EYA1: variants seen among roughly 807,000 people sequenced by gnomAD.
EYA1 encodes the protein EYA transcriptional coactivator and phosphatase 1, also known as protein phosphatase EYA1.
In EYA1, 16 loss-of-function variants were observed where a neutral mutation model predicts 82.0. The observed-to-expected ratio is 0.20, with a 90% CI of 0.13 to 0.30. The LOEUF (loss-of-function observed/expected upper bound fraction) is 0.30. EYA1 is among the 10% of genes least tolerant of loss of function. EYA1 has a pLI of 1.00. For synonymous variants in EYA1, 261 were observed against 264.4 expected, an observed-to-expected ratio of 0.99 and a Z score of 0.12; for missense variants, 633 against 730.7, an observed-to-expected ratio of 0.87 and a Z score of 1.54.
At chr8:71,418,878 T>C (rs1334395074) in intron 2 of EYA1, among the ~76,000 whole-genome samples, 1 of 152,122 alleles carries the variant, frequency 6.6e-6, no homozygotes, top group Non-Finnish European at 1.5e-5. Flanking sequence ...AGATGACATT[T>C]GGATGGGGAC....
intron 2 of EYA1, among the ~76,000 whole-genome samples, chr8:71,492,053 C>T (rs62508464): frequency 0.13 from 19,408 of 152,110 alleles, 1,511 homozygotes; most frequent in Non-Finnish European, 0.17. Context: ...ATGATCCTAC[C>T]GGACGTTGGC....
chr8:71,441,691 C>T (rs1806445585), intron 2 of EYA1, among the ~76,000 whole-genome samples: 1 of 152,050 alleles, frequency 6.6e-6, no homozygotes, highest in African/African-American at 2.4e-5. Context: ...GTTCATATCC[C>T]TGTTTTTAAA....
chr8:71,261,154 GT>G (rs940098018), intron 11 of EYA1, among the ~76,000 whole-genome samples: 2 of 151,888 alleles, frequency 1.3e-5, no homozygotes, highest in East Asian at 1.9e-4. Context: ...CTGAAACATT[GT>G]TTTTTTAAAA....
intron 2 of EYA1, among the ~76,000 whole-genome samples, chr8:71,515,697 T>C (rs1427788028): frequency 2.0e-5 from 3 of 152,106 alleles, no homozygotes; most frequent in Non-Finnish European, 2.9e-5. Flanking sequence ...GGAGCAACTG[T>C]TGTAAAGAAA....
chr8:71,427,550 C>T (rs1007067563), intron 2 of EYA1, among the ~76,000 whole-genome samples: 2 of 152,178 alleles, frequency 1.3e-5, no homozygotes, highest in African/African-American at 4.8e-5. Context: ...AAATTACCTA[C>T]TTCTCTCACC....
chr8:71,383,728 A>C (rs559687661), intron 2 of EYA1, among the ~76,000 whole-genome samples: 3 of 152,152 alleles, frequency 2.0e-5, no homozygotes, highest in Non-Finnish European at 4.4e-5. Context: ...AATCTAGAAC[A>C]GTAATCCTGT....
intron 1 of EYA1, among the ~76,000 whole-genome samples, chr8:71,538,655 G>A (rs1814906716): frequency 6.6e-6 from 1 of 152,146 alleles, no homozygotes; most frequent in Non-Finnish European, 1.5e-5. Flanking sequence ...AACATATATA[G>A]AGGTGAACTT....
At chr8:71,507,403 T>A (rs910880027) in intron 2 of EYA1, among the ~76,000 whole-genome samples, 20 of 152,284 alleles carry the variant, frequency 1.3e-4, no homozygotes, top group East Asian at 1.2e-3. Flanking sequence ...GACAAAATTT[T>A]AAAAATTTTC....
chr8:71,226,628 A>C (rs1413391546), intron 12 of EYA1, among the ~76,000 whole-genome samples: 1 of 148,892 alleles, frequency 6.7e-6, no homozygotes, highest in Non-Finnish European at 1.5e-5. Context: ...TCTAAAGGTA[A>C]TGGATTAATC....
At position 71,274,958 on chromosome 8, in the gene EYA1, A is replaced by G. The variant is rs1044100187; in HGVS notation, c.827-3061T>C. Among the ~76,000 whole-genome samples, 25 of 93,848 alleles carry G rather than the reference A, an allele frequency of 2.7e-4. No individual in the cohort carries two copies. The East Asian group carries it at 0.013, about 48-fold the overall frequency. The allele number at this position is 93,848 out of a possible 152,430, so 61.6% of individuals were successfully genotyped here. On this transcript the variant is annotated intron_variant, in intron 9 of 17. Coordinates refer to ENST00000340726, the MANE Select transcript of EYA1 (RefSeq NM_000503.6). ...AGTGAACGAGAGCAAGCGAGTGAAC[A>G]AGCGCAAGCGCGTGCGAGAGCGCAT...
At chr8:71,330,790 A>AT (rs1823747028) in intron 4 of EYA1, among the ~76,000 whole-genome samples, 1 of 152,150 alleles carries the variant, frequency 6.6e-6, no homozygotes, top group East Asian at 1.9e-4. Context: ...ACAGCACAAA[A>AT]ACTTCCCAGA....
intron 3 of EYA1, among the ~76,000 whole-genome samples, chr8:71,343,647 T>A (rs912853445): frequency 6.6e-6 from 1 of 152,318 alleles, no homozygotes; most frequent in South Asian, 2.1e-4. Flanking sequence ...ACCTTGGACT[T>A]AGCCTTCATA....
intron 3 of EYA1, among the ~76,000 whole-genome samples, chr8:71,341,227 G>C (rs1455780389): frequency 6.6e-6 from 1 of 152,072 alleles, no homozygotes; most frequent in African/African-American, 2.4e-5. Flanking sequence ...AGTAAATGTT[G>C]GGTATTGCTG....
intron 11 of EYA1, among the ~76,000 whole-genome samples, chr8:71,262,787 A>G (rs1815293417): frequency 6.6e-6 from 1 of 152,190 alleles, no homozygotes; most frequent in South Asian, 2.1e-4. Flanking sequence ...TGGCCAGAAG[A>G]GAGATGAAGC....
chr8:71,362,478 A>G (rs1157504875), upstream of EYA1, among the ~76,000 whole-genome samples: 4 of 152,076 alleles, frequency 2.6e-5, no homozygotes, highest in Non-Finnish European at 5.9e-5. Flanking sequence ...CCTGAAACTT[A>G]GGGAATCCAC....
chr8:71,324,054 T>C (rs555675402), intron 4 of EYA1: 1 of 152,382 alleles, frequency 6.6e-6, no homozygotes, highest in African/African-American at 2.4e-5. Flanking sequence ...TGCTACTTGC[T>C]GACAGAAGCC....
chr8:71,530,114 A>T (rs1228927936), intron 2 of EYA1, among the ~76,000 whole-genome samples: 1 of 152,222 alleles, frequency 6.6e-6, no homozygotes, highest in Admixed American at 6.5e-5. Context: ...AAGTAATCAA[A>T]TTAAGATGAG....
At chr8:71,545,554 GTTCC>G (rs1815486176) in intron 1 of EYA1, among the ~76,000 whole-genome samples, 1 of 113,644 alleles carries the variant, frequency 8.8e-6, no homozygotes, top group Non-Finnish European at 1.8e-5. Context: ...TTCTTATTTT[GTTCC>G]TTTTTTTTTT....
At chr8:71,412,497 C>T (rs1830660435) in intron 2 of EYA1, among the ~76,000 whole-genome samples, 1 of 151,870 alleles carries the variant, frequency 6.6e-6, no homozygotes, top group Non-Finnish European at 1.5e-5. Context: ...GTTTAAGTGA[C>T]CTTATCTTTT....
Sources: allele counts gnomAD v4.1 joint callset (sites outside exome capture counted in the v4.1 genomes callset), GRCh38; gene constraint gnomAD v4.1.1; transcripts MANE v1.5; gene names NCBI Gene and HGNC (gene_info 2026-07-23, HGNC 2026-07-21).